Variants in RASEF observed in about 807,000 individuals in gnomAD.
RASEF encodes ras and EF-hand domain-containing protein.
In RASEF, 68 loss-of-function variants were observed where a neutral mutation model predicts 90.1. The observed-to-expected ratio is 0.75, with a 90% confidence interval of 0.62 to 0.92. The LOEUF (loss-of-function observed/expected upper bound fraction) is 0.92, where lower values mean the gene tolerates loss of function less well. RASEF is among the 40% of genes least tolerant of loss of function. RASEF has a pLI of 0.00. For missense variants in RASEF, 949 were observed against 937.2 expected (o/e 1.01, Z -0.16); for synonymous variants, 331 against 345.2 (o/e 0.96, Z 0.46).
the RASEF span, among the ~76,000 whole-genome samples, chr9:83,088,824 T>A: frequency 6.6e-6 from 1 of 152,034 alleles, no homozygotes; most frequent in Non-Finnish European, 1.5e-5. Context: ...GAATCACAAG[T>A]GAATCTCTTA....
chr9:83,022,113 A>G (rs919834780), intron 3 of RASEF, among the ~76,000 whole-genome samples: 1 of 151,978 alleles, frequency 6.6e-6, no homozygotes, highest in Non-Finnish European at 1.5e-5. Context: ...TCTTTACTGC[A>G]CTTGTCACTA....
At chr9:83,138,163 T>G in the RASEF span, among the ~76,000 whole-genome samples, 4 of 152,078 alleles carry the variant, frequency 2.6e-5, no homozygotes, top group African/African-American at 9.7e-5. Flanking sequence ...GGTATGTTGC[T>G]TTTCTGCCTG....
chr9:83,192,481 C>G, the RASEF span, among the ~76,000 whole-genome samples: 2 of 152,168 alleles, frequency 1.3e-5, no homozygotes, highest in East Asian at 3.8e-4. Context: ...CACATGTTCT[C>G]ACTTACAAGT....
intron 1 of RASEF, among the ~76,000 whole-genome samples, chr9:83,036,491 G>GT (rs1420602172): frequency 6.6e-6 from 1 of 152,234 alleles, no homozygotes; most frequent in African/African-American, 2.4e-5. Context: ...TCTTGCTACA[G>GT]TGAGTTGACC....
At chr9:83,202,810 T>C in the RASEF span, among the ~76,000 whole-genome samples, 4 of 152,108 alleles carry the variant, frequency 2.6e-5, no homozygotes, top group African/African-American at 7.2e-5. Flanking sequence ...AGATTTTAAG[T>C]GTTCTCACCA....
the RASEF span, among the ~76,000 whole-genome samples, chr9:83,137,287 T>C: frequency 5.3e-5 from 8 of 152,268 alleles, no homozygotes; most frequent in South Asian, 6.2e-4. Flanking sequence ...TTGGGGATTG[T>C]TGGTTTATGG....
At chr9:83,151,423 T>C in the RASEF span, among the ~76,000 whole-genome samples, 1 of 152,126 alleles carries the variant, frequency 6.6e-6, no homozygotes, top group East Asian at 1.9e-4. Flanking sequence ...CCCCCAGCTT[T>C]CTAGATGGGC....
the RASEF span, among the ~76,000 whole-genome samples, chr9:83,184,119 G>A: frequency 1.6e-4 from 24 of 152,290 alleles, 1 homozygote; most frequent in East Asian, 4.3e-3. Flanking sequence ...GTAAAGCTTG[G>A]CCACAAGTCA....
At chr9:82,993,810 C>T (rs1587479198) in intron 14 of RASEF, among the ~76,000 whole-genome samples, 1 of 152,166 alleles carries the variant, frequency 6.6e-6, no homozygotes, top group Non-Finnish European at 1.5e-5. Flanking sequence ...CCCAGCCCTC[C>T]ACCAGCTGGA....
the RASEF span, among the ~76,000 whole-genome samples, chr9:83,167,102 T>G: frequency 6.6e-6 from 1 of 152,154 alleles, no homozygotes; most frequent in Non-Finnish European, 1.5e-5. Flanking sequence ...GCACTTTTTT[T>G]TTCAGAGCTT....
At chr9:83,213,400 A>G in the RASEF span, among the ~76,000 whole-genome samples, 1 of 122,164 alleles carries the variant, frequency 8.2e-6, no homozygotes, top group Non-Finnish European at 1.6e-5. Flanking sequence ...ACTTCATCTG[A>G]AAAAAAAAAA....
intron 16 of RASEF, among the ~76,000 whole-genome samples, chr9:82,989,225 TGTGC>T (rs1185604536): frequency 6.6e-6 from 1 of 151,898 alleles, no homozygotes; most frequent in South Asian, 2.1e-4. Flanking sequence ...TGTGTGCATG[TGTGC>T]GTGTGTGTGT....
chr9:83,011,093 G>T (rs1829235003), intron 5 of RASEF, among the ~76,000 whole-genome samples: 1 of 152,168 alleles, frequency 6.6e-6, no homozygotes, highest in Non-Finnish European at 1.5e-5. Flanking sequence ...TCTCTCACAT[G>T]TTCTTTCTGA....
intron 8 of RASEF, 36 bp from the exon 9 acceptor site, chr9:83,004,622 A>C: frequency 7.7e-7 from 1 of 1,294,182 alleles, no homozygotes; most frequent in Non-Finnish European, 1.1e-6. Context: ...TAGTTCATGT[A>C]ATTTTCATGT....
At chr9:83,208,494 A>G in the RASEF span, among the ~76,000 whole-genome samples, 1 of 152,118 alleles carries the variant, frequency 6.6e-6, no homozygotes, top group East Asian at 1.9e-4. Flanking sequence ...CTTACTATCT[A>G]CATAGGTGTG....
At chr9:83,177,773 T>C in the RASEF span, among the ~76,000 whole-genome samples, 3 of 152,150 alleles carry the variant, frequency 2.0e-5, no homozygotes, top group Non-Finnish European at 4.4e-5. Context: ...TTCTTGGATA[T>C]GAGATGAACA....
intron 4 of RASEF, among the ~76,000 whole-genome samples, chr9:83,014,742 G>A (rs961494167): frequency 2.0e-5 from 3 of 152,174 alleles, no homozygotes; most frequent in Admixed American, 6.5e-5. Flanking sequence ...TGTACCAGCA[G>A]GTGAGAGTCT....
the RASEF span, among the ~76,000 whole-genome samples, chr9:83,194,795 C>A: frequency 6.6e-6 from 1 of 152,308 alleles, no homozygotes; most frequent in Non-Finnish European, 1.5e-5. Flanking sequence ...TATTTTGCTG[C>A]TCAAATTGCT....
chr9:83,081,164 G>C, the RASEF span, among the ~76,000 whole-genome samples: 1 of 151,984 alleles, frequency 6.6e-6, no homozygotes, highest in African/African-American at 2.4e-5. Context: ...CCTATCCAAG[G>C]TCACACCGAC....
Sources: allele counts gnomAD v4.1 joint callset (sites outside exome capture counted in the v4.1 genomes callset), GRCh38; gene constraint gnomAD v4.1.1; transcripts MANE v1.5; gene names NCBI Gene and HGNC (gene_info 2026-07-23, HGNC 2026-07-21).